MUC5AC: variants seen among roughly 807,000 people sequenced by gnomAD.
MUC5AC encodes the protein mucin 5AC, oligomeric mucus/gel-forming.
MUC5AC carries 158 observed loss-of-function variants against 169.7 expected under a neutral mutation model. That is an observed-to-expected ratio of 0.93 (90% CI 0.82 to 1.06). The LOEUF is 1.06. MUC5AC is among the 50% of genes least tolerant of loss of function. The pLI is 0.00. For synonymous variants in MUC5AC, 1,975 were observed against 1,237.0 expected, an observed-to-expected ratio of 1.60 and a Z score of -12.52; for missense variants, 4,359 against 3,089.9, an observed-to-expected ratio of 1.41 and a Z score of -9.74.
chr11:1,194,971 C>G, intron 35 of MUC5AC, 41 bp from the exon 36 acceptor site: 1 of 681,930 alleles, frequency 1.5e-6, no homozygotes, highest in South Asian at 1.6e-5. Flanking sequence ...GGCCAGCCGG[C>G]TCTGCTGTCC....
intron 43 of MUC5AC, among the ~76,000 whole-genome samples, chr11:1,198,564 C>T (rs1012792956): frequency 2.0e-5 from 3 of 152,142 alleles, no homozygotes; most frequent in Admixed American, 6.5e-5. Context: ...CACAGCACAG[C>T]CAGGCCTGGA....
At chr11:1,199,046 C>T (rs954050725) in intron 44 of MUC5AC, 41 bp from the exon 45 acceptor site, 1 of 762,592 alleles carries the variant, frequency 1.3e-6, no homozygotes, top group Non-Finnish European at 2.4e-6. Flanking sequence ...TGGGGGGCAG[C>T]GGTCGCCTGG....
At position 1,189,875 on chromosome 11, in the gene MUC5AC, C is replaced by T; in HGVS notation, c.11730C>T (p.Ser3910=). 2.6e-6 allele frequency: 2 copies of T among 764,822 alleles called. No homozygotes were observed. Among genetic ancestry groups the T allele is most frequent in the Middle Eastern group, 4.5e-4 (2 of 4,438 alleles). The allele number at this position is 764,822 out of a possible 1,614,324, so 47.4% of individuals were successfully genotyped here. A position where few individuals can be genotyped will look rare whatever the true frequency, so the allele number is the denominator to read the frequency against. Residue 3910 remains serine (S), a synonymous_variant, in exon 31 of 49, where the codon AGC becomes AGT. Transcript: ENST00000621226. The part of the protein sequence containing the change: ...QTSKTSAATS[S]TTSGSGTTPS... The stretch of plus-strand genomic sequence containing the variant: ...GCAAAACCTCAGCTGCTACAAGCAG[C>T]ACAACCTCCGGTTCTGGAACTACTC...
chr11:1,186,667 C>A lies in MUC5AC; in HGVS notation c.8522C>A (p.Thr2841Asn). The A allele has an allele frequency of 1.3e-6, 1 of 741,720 alleles. No homozygotes were observed. The highest frequency in any genetic ancestry group is 1.8e-5 in the Admixed American group (1 of 55,286). The allele number at this position is 741,720 out of a possible 1,614,324, so 45.9% of individuals were successfully genotyped here. ...GPGTTSSPVPTTSTTSAPTTS... is the reference protein window; with the variant it reads ...GPGTTSSPVPNTSTTSAPTTS... ...GGAACTACTTCAAGCCCTGTTCCCACCACCAGCACAACCTCTGCCCCTACA... is the reference window on the plus strand; with the variant it reads ...GGAACTACTTCAAGCCCTGTTCCCAACACCAGCACAACCTCTGCCCCTACA... The change falls in exon 31 of 49, where the codon ACC (threonine) becomes AAC (asparagine). Residue 2841 changes from threonine to asparagine, a missense_variant. By Grantham distance (65) the Thr-to-Asn change is moderately conservative (BLOSUM62 0). Transcript: ENST00000621226.
At position 1,190,214 on chromosome 11, in the gene MUC5AC, G is replaced by A. The variant is rs1379570399; in HGVS notation, c.12069G>A (p.Arg4023=). ...EHLGQVVQCS[R]EEGLVCRNQD... ...TGGGCCAGGTGGTGCAGTGCAGCCG[G>A]GAAGAGGGCCTGGTGTGCCGGAACC... The change falls in exon 31 of 49, where the codon CGG becomes CGA. Residue 4023 remains arginine (R), a synonymous_variant. Transcript: ENST00000621226. 1 of 736,170 alleles carries A rather than the reference G, an allele frequency of 1.4e-6. No individual in the cohort carries two copies. Among genetic ancestry groups the A allele is most frequent in the African/African-American group, 1.7e-5 (1 of 57,238 alleles). The allele number at this position is 736,170 out of a possible 1,614,324, so 45.6% of individuals were successfully genotyped here. A position where few individuals can be genotyped will look rare whatever the true frequency, so the allele number is the denominator to read the frequency against.
At chr11:1,196,154 C>G (rs1590153138) in intron 37 of MUC5AC, 100 bp downstream of exon 37, 2 of 630,582 alleles carry the variant, frequency 3.2e-6, no homozygotes, top group East Asian at 2.7e-5. Flanking sequence ...AGGGGGGGAC[C>G]TGGAGGAGGA....
At chr11:1,171,079 TTCACACACTCACCGACTCAAC>T in intron 15 of MUC5AC, among the ~76,000 whole-genome samples, 1 of 77,482 alleles carries the variant, frequency 1.3e-5, no homozygotes, top group South Asian at 3.7e-4. Context: ...GACTCACCCA[TTCACACACTCACCGACTCAAC>T]CATTCACTCA....
At chr11:1,170,648 T>C (rs1417079581) in intron 15 of MUC5AC, among the ~76,000 whole-genome samples, 289 of 27,614 alleles carry the variant, frequency 0.01, no homozygotes, top group East Asian at 0.017. Context: ...CATTCACCCA[T>C]TCACCCACTC....
At position 1,160,705 on chromosome 11, in the gene MUC5AC, C is replaced by T. The variant is rs778511841; in HGVS notation, c.151+16C>T. The T allele has an allele frequency of 1.7e-5, 28 of 1,602,534 alleles. No homozygotes were observed. Among genetic ancestry groups the T allele is most frequent in the Middle Eastern group, 1.6e-4 (1 of 6,074 alleles). The stretch of plus-strand genomic sequence containing the variant: ...GGGCCCAGCGGTGAGTCTGAGTGTC[C>T]GGCCCCCACCCTAAGCCTGTCAGAT... On this transcript the variant is annotated intron_variant, in intron 2 of 48. Transcript: ENST00000621226.
intron 10 of MUC5AC, 86 bp downstream of exon 10, chr11:1,165,505 T>TCGTCTGGGCTA: frequency 6.3e-7 from 1 of 1,577,558 alleles, no homozygotes; most frequent in Non-Finnish European, 8.6e-7. Flanking sequence ...GCAGGCTCCC[T>TCGTCTGGGCTA]CGTCTGGGCT....
At chr11:1,194,818 C>T in intron 35 of MUC5AC, 148 bp downstream of exon 35, 2 of 609,488 alleles carry the variant, frequency 3.3e-6, no homozygotes, top group Non-Finnish European at 2.9e-6. Flanking sequence ...AGGCTTACGC[C>T]TGCCGGTACC....
chr11:1,162,041 G>A lies in MUC5AC; in HGVS notation c.346G>A (p.Glu116Lys), dbSNP rs747696530. Residue 116 changes from glutamate (E) to lysine (K), a missense_variant, in exon 4 of 49, where the codon GAG becomes AAG. By Grantham distance (56) the Glu-to-Lys change is moderately conservative (BLOSUM62 1). Coordinates refer to ENST00000621226, the MANE Select transcript of MUC5AC (RefSeq NM_001304359.2). Reference protein sequence around the residue: ...VFSEHCGAAYEDFNIQLRRSQ... With the variant: ...VFSEHCGAAYKDFNIQLRRSQ... ...CTCCGAGCACTGCGGTGCCGCCTAC[G>A]AGGATTTTAACATCCAGCTACGCCG... 9 of 1,612,414 alleles carry A rather than the reference G, an allele frequency of 5.6e-6. No individual in the cohort carries two copies. Among genetic ancestry groups the A allele is most frequent in the African/African-American group, 1.3e-5 (1 of 74,902 alleles).
chr11:1,177,320 C>T lies in MUC5AC; in HGVS notation c.2883C>T (p.Ser961=). ...GCGGCACCACAGGGACCACCTGCTCCAAGGCCATCAAGATTTTCCTGGGGG... is the reference window on the plus strand; with the variant it reads ...GCGGCACCACAGGGACCACCTGCTCTAAGGCCATCAAGATTTTCCTGGGGG... The part of the protein sequence containing the change: ...VPCGTTGTTC[S]KAIKIFLGGF... Residue 961 remains serine, a synonymous_variant, in exon 23 of 49, where the codon TCC becomes TCT. Transcript: ENST00000621226. 1 of 457,156 alleles carries T rather than the reference C, an allele frequency of 2.2e-6. No individual in the cohort carries two copies. Among genetic ancestry groups the T allele is most frequent in the Admixed American group, 3.2e-5 (1 of 30,878 alleles). The allele number at this position is 457,156 out of a possible 1,614,324, so 28.3% of individuals were successfully genotyped here.
intron 15 of MUC5AC, among the ~76,000 whole-genome samples, chr11:1,171,434 T>TACTCGCCC (rs1860528122): frequency 1.5e-5 from 1 of 66,998 alleles, no homozygotes; most frequent in African/African-American, 5.7e-5. Context: ...TCACTCAACT[T>TACTCGCCC]ACTCACCCAC....
At chr11:1,179,669 A>T (rs1482462290) in intron 26 of MUC5AC, among the ~76,000 whole-genome samples, 1 of 145,640 alleles carries the variant, frequency 6.9e-6, no homozygotes, top group African/African-American at 2.6e-5. Context: ...GGTTGGGCAG[A>T]GGGTTCAGCA....
chr11:1,200,701 G>T lies in MUC5AC; in HGVS notation c.16964G>T (p.Ter5655LeuextTer7). The T allele has an allele frequency of 1.4e-6, 1 of 735,936 alleles. No individual in the cohort carries two copies. Among genetic ancestry groups the T allele is most frequent in the South Asian group, 1.4e-5 (1 of 72,078 alleles). The allele number at this position is 735,936 out of a possible 1,614,324, so 45.6% of individuals were successfully genotyped here. Residue 5655 changes from the stop codon to leucine (L), a stop_lost, in exon 49 of 49, where the codon TGA becomes TTA. Coordinates refer to ENST00000621226, the MANE Select transcript of MUC5AC (RefSeq NM_001304359.2). ...ERGVPVSPMH[*>L] ...GGCGTCCCAGTGTCCCCCATGCACT[G>T]ACCAGCACTGCCGCCCTCCTGACCT... is the stretch of plus-strand genomic sequence containing the variant.
chr11:1,158,217 T>C, intron 1 of MUC5AC, 145 bp downstream of exon 1: 1 of 736,476 alleles, frequency 1.4e-6, no homozygotes, highest in Non-Finnish European at 2.1e-6. Context: ...GACTGTGGCC[T>C]GGCCACGAAC....
Position 1,195,174 on chromosome 11 carries a change from G to C in MUC5AC, c.15353G>C (p.Gly5118Ala), listed in dbSNP as rs779339422. 2 of 762,248 alleles carry C rather than the reference G, an allele frequency of 2.6e-6. No individual in the cohort carries two copies. The highest frequency in any genetic ancestry group is 4.8e-6 in the Non-Finnish European group (2 of 416,324). 47.2% of individuals were successfully genotyped at this position (762,248 alleles called of 1,614,324 possible). Residue 5118 changes from glycine (G) to alanine (A), a missense_variant, in exon 36 of 49, where the codon GGG becomes GCG. Transcript: ENST00000621226. ...TPTTVGPTTV[G>A]STTVGPTTVG... ...ACCACGGTCGGGCCCACCACAGTTG[G>C]GTCTACCACGGTCGGGCCCACCACA...
intron 26 of MUC5AC, 85 bp downstream of exon 26, chr11:1,179,333 G>A: frequency 2.1e-6 from 1 of 483,154 alleles, no homozygotes; most frequent in East Asian, 3.2e-5. Context: ...CGTGGGGTGT[G>A]TGGGGCGGGT....
Sources: gnomAD v4.1 joint callset for allele counts (sites outside exome capture counted in the v4.1 genomes callset) on GRCh38, gnomAD v4.1.1 for gene constraint, MANE v1.5 for transcripts, NCBI Gene and HGNC (gene_info 2026-07-23, HGNC 2026-07-21) for gene names.